Variants in PHF11 observed in about 807,000 individuals in gnomAD.
PHF11 encodes PHD finger protein 11.
In PHF11, 38 loss-of-function variants were observed where a neutral mutation model predicts 40.5. The observed-to-expected ratio is 0.94, with a 90% CI of 0.72 to 1.23. The LOEUF is 1.23. Among genes scored for constraint, PHF11 ranks in the 50% most tolerant of loss-of-function variants. PHF11 has a pLI of 0.00. For missense variants in PHF11, 369 were observed against 392.4 expected (o/e 0.94, Z 0.50); for synonymous variants, 127 against 138.2 (o/e 0.92, Z 0.57).
rs1959208240 is a variant in PHF11, at chr13:49,524,092, T to G, written c.645T>G (p.Thr215=). The change falls in exon 8 of 10, where the codon ACT becomes ACG. Residue 215 remains threonine, a synonymous_variant. Transcript: ENST00000378319. The part of the protein sequence containing the change: ...KEEHGRHTDA[T]VKVPFLKKCK... ...TGTTTGTCTTATTCTTAGATGCAACTGTGAAAGTTCCTTTTCTTAAGAAAT... is the reference window on the plus strand; with the variant it reads ...TGTTTGTCTTATTCTTAGATGCAACGGTGAAAGTTCCTTTTCTTAAGAAAT... 3 of 1,605,650 alleles carry G rather than the reference T, an allele frequency of 1.9e-6. No individual in the cohort carries two copies. The African/African-American group carries it at 4.0e-5, about 22-fold the overall frequency.
At chr13:49,502,762 G>T (rs1958927569) in intron 1 of PHF11, among the ~76,000 whole-genome samples, 1 of 152,108 alleles carries the variant, frequency 6.6e-6, no homozygotes, top group African/African-American at 2.4e-5. Context: ...CACTCTTGTT[G>T]CCCAGGCCAC....
intron 2 of PHF11, among the ~76,000 whole-genome samples, chr13:49,507,126 C>T (rs1209154702): frequency 2.0e-5 from 3 of 151,922 alleles, no homozygotes; most frequent in Non-Finnish European, 2.9e-5. Flanking sequence ...AGGATGATCT[C>T]GATCTCCTGA....
chr13:49,496,482 G>A, intron 1 of PHF11: 2 of 1,002,058 alleles, frequency 2.0e-6, no homozygotes, highest in Non-Finnish European at 2.4e-6. Context: ...GCCCTGATGC[G>A]GTGAGGCAGG....
At chr13:49,523,723 C>A (rs778220952) in intron 7 of PHF11, 2 of 205,228 alleles carry the variant, frequency 9.7e-6, no homozygotes, top group Non-Finnish European at 1.9e-5. Flanking sequence ...GGTGCACCAA[C>A]ATCTCAGAAA....
chr13:49,514,882 T>C (rs1197124913), intron 3 of PHF11, among the ~76,000 whole-genome samples: 1 of 152,124 alleles, frequency 6.6e-6, no homozygotes, highest in African/African-American at 2.4e-5. Flanking sequence ...CCCTAGGATT[T>C]TGGGTGTGAT....
chr13:49,517,563 G>A (rs1339577788), intron 3 of PHF11, among the ~76,000 whole-genome samples: 1 of 152,104 alleles, frequency 6.6e-6, no homozygotes, highest in African/African-American at 2.4e-5. Context: ...CTGTAAGACA[G>A]ATATTATCAC....
At position 49,528,634 on chromosome 13, in the gene PHF11, G is replaced by A; in HGVS notation, c.965G>A (p.Ser322Asn). The A allele has an allele frequency of 6.2e-7, 1 of 1,609,742 alleles. No individual in the cohort carries two copies. Among genetic ancestry groups the A allele is most frequent in the Admixed American group, 1.7e-5 (1 of 59,374 alleles). ...CAAGAAAATAGAGATCTTATGTCAA[G>A]TTCTACATCAATATCATCCCTGTCT... The part of the protein sequence containing the change: ...SFQENRDLMS[S>N]STSISSLSY The change falls in exon 10 of 10, where the codon AGT (serine) becomes AAT (asparagine). Residue 322 changes from serine (S) to asparagine (N), a missense_variant. Transcript: ENST00000378319.
intron 3 of PHF11, among the ~76,000 whole-genome samples, chr13:49,514,406 T>A (rs531556190): frequency 5.5e-4 from 84 of 152,212 alleles, no homozygotes; most frequent in African/African-American, 2.0e-3. Context: ...AATTATGCTA[T>A]CTTAGGCAGT....
chr13:49,515,767 A>G (rs895063174), intron 3 of PHF11, among the ~76,000 whole-genome samples: 9 of 152,116 alleles, frequency 5.9e-5, no homozygotes, highest in South Asian at 4.2e-4. Context: ...CCCAGCCCGT[A>G]GTTCTCCACC....
chr13:49,523,780 CA>C, intron 7 of PHF11: 1 of 217,396 alleles, frequency 4.6e-6, no homozygotes, highest in Admixed American at 5.5e-5. Context: ...ACCTGTTCCC[CA>C]AAAGGTATTG....
chr13:49,511,554 C>A (rs1959083571), intron 2 of PHF11, among the ~76,000 whole-genome samples: 1 of 152,096 alleles, frequency 6.6e-6, no homozygotes, highest in African/African-American at 2.4e-5. Context: ...TCTCGATCTC[C>A]TGACCTCAGG....
At position 49,528,515 on chromosome 13, in the gene PHF11, A is replaced by G; in HGVS notation, c.846A>G (p.Ile282Met). Residue 282 changes from isoleucine to methionine, a missense_variant, in exon 10 of 10, where the codon ATA (isoleucine) becomes ATG (methionine). Ile to Met is a conservative substitution (Grantham distance 10, BLOSUM62 1). Transcript: ENST00000378319. ...EDTFVNFQAA[I>M]EKKIHASQQR... Reference sequence around the variant, plus strand: ...TTTTATTTCTTCTTTTCATAGCAATAGAGAAAAAAATTCATGCATCTCAAC... The same window carrying G: ...TTTTATTTCTTCTTTTCATAGCAATGGAGAAAAAAATTCATGCATCTCAAC... 1 of 1,589,750 alleles carries G rather than the reference A, an allele frequency of 6.3e-7. No homozygotes were observed. The highest frequency in any genetic ancestry group is 8.6e-7 in the Non-Finnish European group (1 of 1,168,352).
chr13:49,506,898 C>CTT (rs1169962633), intron 2 of PHF11, 142 bp downstream of exon 2: 9,977 of 142,832 alleles, frequency 0.07, 76 homozygotes, highest in South Asian at 0.12. Flanking sequence ...GGGAGCATTT[C>CTT]TTTTTTTTTT....
chr13:49,500,715 C>T (rs1186627906), intron 1 of PHF11, among the ~76,000 whole-genome samples: 1 of 151,516 alleles, frequency 6.6e-6, no homozygotes, highest in Non-Finnish European at 1.5e-5. Flanking sequence ...AAGACAAACT[C>T]TGGGTCTAGC....
At chr13:49,526,259 TCTAA>T in intron 8 of PHF11, 124 bp from the exon 9 acceptor site, 1 of 628,696 alleles carries the variant, frequency 1.6e-6, no homozygotes, top group Non-Finnish European at 2.9e-6. Context: ...GCTGTTGCCA[TCTAA>T]CATTAAAGTT....
intron 3 of PHF11, among the ~76,000 whole-genome samples, chr13:49,514,248 A>G (rs981773021): frequency 2.0e-5 from 3 of 152,214 alleles, no homozygotes; most frequent in African/African-American, 7.2e-5. Context: ...TAGTCTTTGC[A>G]AGGCATCAGC....
intron 3 of PHF11, among the ~76,000 whole-genome samples, chr13:49,513,622 C>T (rs967135987): frequency 3.5e-5 from 5 of 141,932 alleles, no homozygotes; most frequent in South Asian, 4.4e-4. Context: ...TGAGCCACCA[C>T]GCCCGGCCAA....
At chr13:49,520,507 A>C (rs1959182639) in intron 4 of PHF11, among the ~76,000 whole-genome samples, 1 of 152,168 alleles carries the variant, frequency 6.6e-6, no homozygotes, top group South Asian at 2.1e-4. Flanking sequence ...ATTTTGTGCT[A>C]TTTATTGTTG....
chr13:49,503,631 T>C (rs1304454758), intron 1 of PHF11, among the ~76,000 whole-genome samples: 2 of 152,256 alleles, frequency 1.3e-5, no homozygotes, highest in East Asian at 3.8e-4. Flanking sequence ...TGAATAACTT[T>C]TATATTGACT....
Sources: gnomAD v4.1 joint callset for allele counts (sites outside exome capture counted in the v4.1 genomes callset) on GRCh38, gnomAD v4.1.1 for gene constraint, MANE v1.5 for transcripts, NCBI Gene and HGNC (gene_info 2026-07-23, HGNC 2026-07-21) for gene names.